Variants in SAXO1 observed in about 807,000 individuals in gnomAD.
SAXO1 encodes stabilizer of axonemal microtubules 1, also known as 4930500O09Rik.
A neutral mutation model predicts 17.5 loss-of-function variants in SAXO1; 21 were observed. That is an observed-to-expected ratio of 1.20 (90% CI 0.85 to 1.72). The LOEUF (loss-of-function observed/expected upper bound fraction) is 1.72, where lower values mean the gene tolerates loss of function less well. SAXO1 is among the 40% of genes most tolerant of loss of function. SAXO1 has a pLI of 0.00. For synonymous variants in SAXO1, 274 were observed against 216.5 expected, an observed-to-expected ratio of 1.27 and a Z score of -2.33; for missense variants, 843 against 596.0, an observed-to-expected ratio of 1.41 and a Z score of -4.32.
chr9:18,942,835 A>G (rs1831630415), intron 2 of SAXO1, among the ~76,000 whole-genome samples: 1 of 152,102 alleles, frequency 6.6e-6, no homozygotes, highest in Admixed American at 6.5e-5. Flanking sequence ...CAATGCTAAC[A>G]TTTCCCTCTG....
intron 1 of SAXO1, among the ~76,000 whole-genome samples, chr9:18,985,047 T>A (rs1405892452): frequency 2.0e-5 from 3 of 152,110 alleles, no homozygotes; most frequent in Admixed American, 1.3e-4. Context: ...TTTTCAGATA[T>A]TTTCAAATAT....
Position 18,949,920 on chromosome 9 carries a change from G to A in SAXO1, c.218+838C>T, listed in dbSNP as rs573407295. Among the ~76,000 whole-genome samples, 8 of 152,238 alleles carry A rather than the reference G, an allele frequency of 5.3e-5. No individual in the cohort carries two copies. In the East Asian group the frequency reaches 9.7e-4, roughly 18 times the overall value. On this transcript the variant is annotated intron_variant, in intron 2 of 3. Transcript: ENST00000380534. ...CCCTGCCCTTTAGGGATGAGGAACC[G>A]GGAAGGCAGAGAACACATCAATCTT...
rs185241327 is a variant in SAXO1 at position 18,953,179 on chromosome 9, A to G, written c.39-2242T>C. Among the ~76,000 whole-genome samples the G allele has an allele frequency of 7.9e-5, 12 of 152,368 alleles. No individual in the cohort carries two copies. In the East Asian group the frequency reaches 1.7e-3, roughly 22 times the overall value. ...TTTTATTCACCCACATTCTAAAAGA[A>G]AAGTCAAGATTTTATTCAGGATAAC... On this transcript the variant is annotated intron_variant, in intron 1 of 3. Transcript: ENST00000380534.
intron 2 of SAXO1, among the ~76,000 whole-genome samples, chr9:18,942,522 C>A (rs564565463): frequency 1.2e-4 from 19 of 152,314 alleles, no homozygotes; most frequent in African/African-American, 3.8e-4. Context: ...TAATGTTTAT[C>A]TCTTTCCTCT....
At chr9:19,020,087 T>C (rs1023018143) in intron 1 of SAXO1, among the ~76,000 whole-genome samples, 1 of 150,740 alleles carries the variant, frequency 6.6e-6, no homozygotes, top group Non-Finnish European at 1.5e-5. Context: ...AAAGCAAAAG[T>C]CCAATGACTG....
Position 18,927,874 on chromosome 9 carries a change from A to T in SAXO1, c.*178T>A. The T allele has an allele frequency of 1.6e-6, 1 of 630,238 alleles. No homozygotes were observed. The highest frequency in any genetic ancestry group is 2.6e-6 in the Non-Finnish European group (1 of 390,664). The allele number at this position is 630,238 out of a possible 1,614,324, so 39.0% of individuals were successfully genotyped here. A position where few individuals can be genotyped will look rare whatever the true frequency, so the allele number is the denominator to read the frequency against. ...AAGGGGAGTTAATTAGCCGGTGATT[A>T]AATGTCATTTTCCCTGAGTCAAGTG... is the stretch of plus-strand genomic sequence containing the variant. On this transcript the variant is annotated 3_prime_UTR_variant, in exon 4 of 4. Coordinates refer to ENST00000380534, the MANE Select transcript of SAXO1 (RefSeq NM_153707.4).
intron 3 of SAXO1, among the ~76,000 whole-genome samples, chr9:18,939,696 C>G (rs781643956): frequency 5.9e-5 from 9 of 152,180 alleles, no homozygotes; most frequent in African/African-American, 2.2e-4. Context: ...GACACCAGGA[C>G]TTCCAAGGCA....
At chr9:19,000,042 G>A (rs1402146376) in intron 1 of SAXO1, among the ~76,000 whole-genome samples, 1 of 143,526 alleles carries the variant, frequency 7.0e-6, no homozygotes, top group African/African-American at 2.6e-5. Context: ...GAGCGCCTCT[G>A]CCCAGCCGCC....
intron 1 of SAXO1, among the ~76,000 whole-genome samples, chr9:19,024,012 CTTTTTTTTTTTTTT>C (rs71333077): frequency 1.6e-4 from 6 of 38,132 alleles, no homozygotes; most frequent in South Asian, 2.1e-3. Context: ...CTCTTTAAGG[CTTTTTTTTTTTTTT>C]TTTTTTTTTT....
intron 2 of SAXO1, among the ~76,000 whole-genome samples, chr9:18,942,710 C>T (rs1355653049): frequency 6.6e-6 from 1 of 152,190 alleles, no homozygotes; most frequent in Non-Finnish European, 1.5e-5. Context: ...CCCAAAGCAT[C>T]CCAGATAAAA....
intron 1 of SAXO1, among the ~76,000 whole-genome samples, chr9:19,010,151 AC>A: frequency 3.4e-5 from 1 of 29,396 alleles, no homozygotes; most frequent in East Asian, 8.8e-4. Flanking sequence ...CTAAAAAAAA[AC>A]AACAACAACA....
intron 1 of SAXO1, among the ~76,000 whole-genome samples, chr9:19,001,990 GC>G (rs1834292380): frequency 6.6e-6 from 1 of 151,978 alleles, no homozygotes; most frequent in African/African-American, 2.4e-5. Context: ...AAAACAGATA[GC>G]CCACTAGCCA....
At chr9:18,993,506 G>T (rs1034808221) in intron 1 of SAXO1, among the ~76,000 whole-genome samples, 4 of 152,164 alleles carry the variant, frequency 2.6e-5, no homozygotes, top group African/African-American at 9.7e-5. Flanking sequence ...GGGTGAGAAG[G>T]TGCAGACATG....
At chr9:19,007,973 CTT>C (rs112830612) in intron 1 of SAXO1, among the ~76,000 whole-genome samples, 57 of 140,082 alleles carry the variant, frequency 4.1e-4, no homozygotes, top group Admixed American at 5.7e-4. Context: ...ACTACCAGGT[CTT>C]TTTTTTTTTT....
intron 1 of SAXO1, among the ~76,000 whole-genome samples, chr9:19,042,232 T>C (rs1246288935): frequency 2.0e-5 from 3 of 152,066 alleles, no homozygotes; most frequent in Non-Finnish European, 4.4e-5. Flanking sequence ...CAAATCAAAA[T>C]GACAATGAGA....
intron 1 of SAXO1, among the ~76,000 whole-genome samples, chr9:19,038,515 C>A (rs1234347065): frequency 4.0e-5 from 6 of 148,226 alleles, no homozygotes; most frequent in African/African-American, 1.5e-4. Flanking sequence ...GGACAAAAAA[C>A]CAAACACCGC....
intron 1 of SAXO1, among the ~76,000 whole-genome samples, chr9:19,045,584 C>T (rs1229459529): frequency 1.3e-5 from 2 of 152,096 alleles, no homozygotes; most frequent in African/African-American, 4.8e-5. Flanking sequence ...ACTTAGTAAC[C>T]AGAATGCTAT....
intron 1 of SAXO1, among the ~76,000 whole-genome samples, chr9:18,999,271 A>G (rs1189248757): frequency 6.6e-6 from 1 of 152,210 alleles, no homozygotes; most frequent in Non-Finnish European, 1.5e-5. Context: ...CTGGGATCTG[A>G]GGAGTGCCTC....
At chr9:18,987,444 C>G (rs1833638560) in intron 1 of SAXO1, among the ~76,000 whole-genome samples, 1 of 152,210 alleles carries the variant, frequency 6.6e-6, no homozygotes. Flanking sequence ...GCAGCACAGA[C>G]TAGTATTACT....
Sources: allele counts gnomAD v4.1 joint callset (sites outside exome capture counted in the v4.1 genomes callset), GRCh38; gene constraint gnomAD v4.1.1; transcripts MANE v1.5; gene names NCBI Gene and HGNC (gene_info 2026-07-23, HGNC 2026-07-21).